Variants in PLPPR5 observed in about 807,000 individuals in gnomAD.
PLPPR5 encodes the protein phospholipid phosphatase related 5.
PLPPR5 carries 16 observed loss-of-function variants against 33.9 expected under a neutral mutation model. The observed-to-expected ratio is 0.47, with a 90% confidence interval of 0.32 to 0.72. The LOEUF (loss-of-function observed/expected upper bound fraction) is 0.72, where lower values mean the gene tolerates loss of function less well. PLPPR5 is among the 30% of genes least tolerant of loss of function. The probability of loss-of-function intolerance (pLI) is 0.03; values close to 1 mark genes in which losing one functional copy is unlikely to be tolerated. For synonymous variants in PLPPR5, 163 were observed against 150.3 expected, an observed-to-expected ratio of 1.08 and a Z score of -0.62; for missense variants, 301 against 406.7, an observed-to-expected ratio of 0.74 and a Z score of 2.23.
intron 5 of PLPPR5, among the ~76,000 whole-genome samples, chr1:98,907,484 G>A (rs1035305691): frequency 5.3e-5 from 8 of 152,084 alleles, no homozygotes; most frequent in East Asian, 1.9e-4. Context: ...GTGAGCCACC[G>A]CACCCAGCCA....
chr1:99,004,682 C>T lies in PLPPR5; in HGVS notation c.-11G>A, dbSNP rs893078730. ...GGGCAGCAGGGGCATGCACGCCTCC[C>T]GGGCCGGGCCGAGCCGAGCCGAGCG... On this transcript the variant is annotated 5_prime_UTR_variant, in exon 1 of 6. Coordinates refer to ENST00000263177, the MANE Select transcript of PLPPR5 (RefSeq NM_001037317.2). 2 of 1,573,430 alleles carry T rather than the reference C, an allele frequency of 1.3e-6. No homozygotes were observed. Among genetic ancestry groups the T allele is most frequent in the Non-Finnish European group, 1.7e-6 (2 of 1,160,720 alleles).
intron 5 of PLPPR5, among the ~76,000 whole-genome samples, chr1:98,912,635 T>C (rs948104050): frequency 3.3e-5 from 5 of 152,190 alleles, no homozygotes; most frequent in Non-Finnish European, 2.9e-5. Flanking sequence ...CTGGGAAATA[T>C]AGATTGTAGC....
intron 5 of PLPPR5, among the ~76,000 whole-genome samples, chr1:98,905,051 T>C (rs546918952): frequency 6.6e-6 from 1 of 152,326 alleles, no homozygotes; most frequent in South Asian, 2.1e-4. Context: ...TCAACTGGAT[T>C]CTTACGATAG....
chr1:98,986,595 A>G (rs115478948), intron 1 of PLPPR5, among the ~76,000 whole-genome samples: 32 of 152,044 alleles, frequency 2.1e-4, no homozygotes, highest in Non-Finnish European at 3.7e-4. Context: ...TGGTTATTCC[A>G]AAATGAGAAA....
chr1:98,983,022 T>C (rs1652112663), intron 1 of PLPPR5, among the ~76,000 whole-genome samples: 1 of 152,102 alleles, frequency 6.6e-6, no homozygotes, highest in African/African-American at 2.4e-5. Context: ...TGGTAAGAGC[T>C]GCAGTTTTAA....
At chr1:98,966,045 A>C (rs1163957649) in intron 1 of PLPPR5, among the ~76,000 whole-genome samples, 1 of 152,200 alleles carries the variant, frequency 6.6e-6, no homozygotes, top group African/African-American at 2.4e-5. Flanking sequence ...TTTGTTACAG[A>C]AACTGGAACT....
At chr1:98,909,020 A>C (rs539048606) in intron 5 of PLPPR5, among the ~76,000 whole-genome samples, 213 of 152,226 alleles carry the variant, frequency 1.4e-3, no homozygotes, top group African/African-American at 5.0e-3. Flanking sequence ...CAGTCATAAA[A>C]TTATTCAGGA....
At chr1:98,920,888 T>G (rs144275248) in intron 4 of PLPPR5, among the ~76,000 whole-genome samples, 2 of 152,186 alleles carry the variant, frequency 1.3e-5, no homozygotes, top group African/African-American at 4.8e-5. Flanking sequence ...CTACACATTG[T>G]TTCATTTGGG....
chr1:98,923,138 T>C (rs1371177406), intron 3 of PLPPR5, among the ~76,000 whole-genome samples: 1 of 152,176 alleles, frequency 6.6e-6, no homozygotes, highest in Admixed American at 6.5e-5. Flanking sequence ...GCAAATGAAA[T>C]GTCATGAGCC....
At chr1:98,914,014 C>T (rs1056648079) in intron 5 of PLPPR5, among the ~76,000 whole-genome samples, 1 of 152,122 alleles carries the variant, frequency 6.6e-6, no homozygotes, top group African/African-American at 2.4e-5. Context: ...CTGGTGTTTT[C>T]CTGATATCAG....
At chr1:99,004,938 C>G (rs2100774144), upstream of PLPPR5, 1 of 168,840 alleles carries the variant, frequency 5.9e-6, no homozygotes, top group South Asian at 2.0e-4. Flanking sequence ...CCGCCCGCCC[C>G]GGCGCGGGGT....
Position 98,912,155 on chromosome 1 carries a change from T to G in PLPPR5, c.933+2631A>C, listed in dbSNP as rs185495972. On this transcript the variant is annotated intron_variant, in intron 5 of 5. Transcript: ENST00000263177. ...CATTCAGCTTTTAAATGTATTTTCT[T>G]ACATAGGTATGTGTCTCAAAACATT... Among the ~76,000 whole-genome samples, 159 of 152,330 alleles carry G rather than the reference T, an allele frequency of 1.0e-3. 2 individuals are homozygous for G. Among genetic ancestry groups the G allele is most frequent in the African/African-American group, 3.7e-3 (153 of 41,574 alleles).
chr1:98,949,430 C>T (rs2101205868), intron 3 of PLPPR5, among the ~76,000 whole-genome samples: 1 of 152,284 alleles, frequency 6.6e-6, no homozygotes, highest in East Asian at 1.9e-4. Flanking sequence ...ACATATTTCT[C>T]AGTTATTATT....
intron 3 of PLPPR5, among the ~76,000 whole-genome samples, chr1:98,923,293 G>T (rs1649639037): frequency 4.6e-5 from 7 of 152,108 alleles, no homozygotes; most frequent in Admixed American, 4.6e-4. Flanking sequence ...AATTGTAAAA[G>T]AAATGACTTT....
At chr1:98,968,854 T>C (rs556362969) in intron 1 of PLPPR5, among the ~76,000 whole-genome samples, 1 of 152,202 alleles carries the variant, frequency 6.6e-6, no homozygotes, top group South Asian at 2.1e-4. Context: ...TGTAAGGTCA[T>C]TAGCTACTAA....
chr1:98,988,322 T>C (rs947521866), intron 1 of PLPPR5, among the ~76,000 whole-genome samples: 5 of 152,158 alleles, frequency 3.3e-5, no homozygotes, highest in African/African-American at 9.6e-5. Flanking sequence ...ATTAGACCTA[T>C]GTTGTAAACA....
intron 1 of PLPPR5, among the ~76,000 whole-genome samples, chr1:98,958,525 T>A (rs1244566453): frequency 1.3e-5 from 2 of 152,140 alleles, no homozygotes; most frequent in African/African-American, 2.4e-5. Context: ...TTGGGAGAGA[T>A]AAGAACTTCC....
intron 5 of PLPPR5, among the ~76,000 whole-genome samples, chr1:98,895,053 A>G (rs1648418447): frequency 6.6e-6 from 1 of 152,052 alleles, no homozygotes; most frequent in African/African-American, 2.4e-5. Flanking sequence ...GATTGTCCCA[A>G]ATAGTAATAT....
At chr1:99,001,687 T>TAG (rs1557699516) in intron 1 of PLPPR5, among the ~76,000 whole-genome samples, 13 of 143,744 alleles carry the variant, frequency 9.0e-5, no homozygotes, top group Non-Finnish European at 1.8e-4. Context: ...TATATATATA[T>TAG]ATATATATAT....
Sources: allele counts gnomAD v4.1 joint callset (sites outside exome capture counted in the v4.1 genomes callset), GRCh38; gene constraint gnomAD v4.1.1; transcripts MANE v1.5; gene names NCBI Gene and HGNC (gene_info 2026-07-23, HGNC 2026-07-21).